The following ASCL2 variants were observed in gnomAD, a reference collection of about 807,000 sequenced individuals.
ASCL2 encodes the protein achaete-scute homolog 2.
Under a neutral mutation model 5.1 loss-of-function variants are expected in ASCL2, and 6 were observed. That is an observed-to-expected ratio of 1.17 (90% confidence interval 0.64 to 2.31). The LOEUF is 2.31. Among genes scored for constraint, ASCL2 ranks in the 30% most tolerant of loss-of-function variants. The probability of loss-of-function intolerance (pLI) is 0.00; values close to 1 mark genes in which losing one functional copy is unlikely to be tolerated. For missense variants in ASCL2, 320 were observed against 310.3 expected (o/e 1.03, Z -0.23); for synonymous variants, 174 against 157.3 (o/e 1.11, Z -0.80).
chr11:2,269,689 C>G, intron 1 of ASCL2, 44 bp downstream of exon 1: 2 of 1,233,592 alleles, frequency 1.6e-6, no homozygotes, highest in Non-Finnish European at 2.1e-6. Flanking sequence ...CGTCCCTCCA[C>G]CCCGGCCCCC....
In ASCL2 at chr11:2,269,921, G is replaced by A; in HGVS notation, c.412C>T (p.Pro138Ser). The stretch of plus-strand genomic sequence containing the variant: ...GCGCGGGAGGGCGAGGCGGCGACCG[G>A]GGTGGTCCCTGGCGGCCCGCGGGGC... ...SAPRGPPGTT[P>S]VAASPSRASS... Residue 138 changes from proline to serine, a missense_variant, in exon 1 of 2, where the codon CCG becomes TCG. Transcript: ENST00000331289. The A allele has an allele frequency of 7.8e-7, 1 of 1,286,938 alleles. No individual in the cohort carries two copies. Among genetic ancestry groups the A allele is most frequent in the Non-Finnish European group, 9.9e-7 (1 of 1,013,406 alleles). The allele number at this position is 1,286,938 out of a possible 1,614,324, so 79.7% of individuals were successfully genotyped here.
intron 1 of ASCL2, 32 bp downstream of exon 1, chr11:2,269,701 G>GCCCCCCCC: frequency 1.3e-6 from 1 of 783,750 alleles, no homozygotes; most frequent in South Asian, 3.3e-5. Context: ...CCGGCCCCCG[G>GCCCCCCCC]CCCTCCCTCC....
In ASCL2 at chr11:2,269,047, G is replaced by A. The variant is rs1243243622; in HGVS notation, c.*98C>T. On this transcript the variant is annotated 3_prime_UTR_variant, in exon 2 of 2. Transcript: ENST00000331289. Reference sequence around the variant, plus strand: ...GTGGGTGGGTCCCCGGCTCGCTGGGGGCGGAGCGCGGGCCGGTCCACCTGG... The same window carrying A: ...GTGGGTGGGTCCCCGGCTCGCTGGGAGCGGAGCGCGGGCCGGTCCACCTGG... 1 of 151,924 alleles carries A rather than the reference G, an allele frequency of 6.6e-6. No homozygotes were observed. The highest frequency in any genetic ancestry group is 6.6e-5 in the Admixed American group (1 of 15,266). 9.4% of individuals were successfully genotyped at this position (151,924 alleles called of 1,614,324 possible). A position where few individuals can be genotyped will look rare whatever the true frequency, so the allele number is the denominator to read the frequency against.
rs1446874428 is a variant in ASCL2, at chr11:2,269,133, G to C, written c.*19-7C>G. The C allele has an allele frequency of 1.3e-5, 2 of 152,000 alleles. No individual in the cohort carries two copies. The highest frequency in any genetic ancestry group is 4.8e-5 in the African/African-American group (2 of 41,424). The allele number at this position is 152,000 out of a possible 1,614,324, so 9.4% of individuals were successfully genotyped here. On this transcript the variant is annotated splice_polypyrimidine_tract_variant and splice_region_variant and intron_variant, in intron 1 of 1. Transcript: ENST00000331289. ...TCGGCTTCCGGGGCTGAGGCTGCGG[G>C]GGGAAGGTGGGGAACCAAACGCGCG...
Position 2,270,102 on chromosome 11 carries a change from CACGTGCT to C in ASCL2, c.224_230del (p.Gln75ArgfsTer10). On this transcript the variant is annotated frameshift_variant, in exon 1 of 2. Transcript: ENST00000331289. LOFTEE classifies it high-confidence loss of function. ...GCTTCTTGCTGGCGCCGCCGTGCGG[CACGTGCT>C]GCCGCAGCGCCTGGAAGCCCAAGTT... 1 of 1,509,852 alleles carries C rather than the reference CACGTGCT, an allele frequency of 6.6e-7. No homozygotes were observed. Among genetic ancestry groups the C allele is most frequent in the Admixed American group, 2.2e-5 (1 of 46,446 alleles). The allele number at this position is 1,509,852 out of a possible 1,614,324, so 93.5% of individuals were successfully genotyped here.
Position 2,269,922 on chromosome 11 carries a change from G to A in ASCL2, c.411C>T (p.Thr137=), listed in dbSNP as rs548309623. 5.0e-5 allele frequency: 64 copies of A among 1,285,848 alleles called. 1 individual carries two copies. In the South Asian group the frequency reaches 1.7e-3, roughly 34 times the overall value. 79.7% of individuals were successfully genotyped at this position (1,285,848 alleles called of 1,614,324 possible). Residue 137 remains threonine, a synonymous_variant, in exon 1 of 2, where the codon ACC becomes ACT. Coordinates refer to ENST00000331289, the MANE Select transcript of ASCL2 (RefSeq NM_005170.3). ...CGCGGGAGGGCGAGGCGGCGACCGG[G>A]GTGGTCCCTGGCGGCCCGCGGGGCG... ...PSAPRGPPGT[T]PVAASPSRAS...
Position 2,270,549 on chromosome 11 carries a change from CTCGT to C in ASCL2, c.-221_-218del. 2.2e-6 allele frequency: 2 copies of C among 924,040 alleles called. No homozygotes were observed. The highest frequency in any genetic ancestry group is 2.9e-6 in the Non-Finnish European group (2 of 697,888). 57.2% of individuals were successfully genotyped at this position (924,040 alleles called of 1,614,324 possible). On this transcript the variant is annotated 5_prime_UTR_variant, in exon 1 of 2. Transcript: ENST00000331289. ...CGTACGCGCCAGGGAGCGTGGGACGCTCGTGTCCCGCGCGTGCGGCCGGACTCTC... is the reference window on the plus strand; with the variant it reads ...CGTACGCGCCAGGGAGCGTGGGACGCGTCCCGCGCGTGCGGCCGGACTCTC...
chr11:2,270,401 A>C lies in ASCL2; in HGVS notation c.-69T>G. On this transcript the variant is annotated 5_prime_UTR_variant, in exon 1 of 2. Coordinates refer to ENST00000331289, the MANE Select transcript of ASCL2 (RefSeq NM_005170.3). ...AGGAAGGTGCAGGCAGAGGAACCGGAGGCGACGGGGAAAACTGTGGCGCCC... is the reference window on the plus strand; with the variant it reads ...AGGAAGGTGCAGGCAGAGGAACCGGCGGCGACGGGGAAAACTGTGGCGCCC... The C allele has an allele frequency of 1.6e-6, 2 of 1,255,926 alleles. No individual in the cohort carries two copies. Among genetic ancestry groups the C allele is most frequent in the Non-Finnish European group, 2.0e-6 (2 of 998,590 alleles). The allele number at this position is 1,255,926 out of a possible 1,614,324, so 77.8% of individuals were successfully genotyped here. A position where few individuals can be genotyped will look rare whatever the true frequency, so the allele number is the denominator to read the frequency against.
Position 2,270,188 on chromosome 11 carries a change from C to G in ASCL2, c.145G>C (p.Ala49Pro), listed in dbSNP as rs1236843869. Residue 49 changes from alanine to proline, a missense_variant, in exon 1 of 2, where the codon GCA becomes CCA. By Grantham distance (27) the Ala-to-Pro change is conservative (BLOSUM62 -1). Coordinates refer to ENST00000331289, the MANE Select transcript of ASCL2 (RefSeq NM_005170.3). ...RPATAETGGG[A>P]AAVARRNERE... ...TCATTGCGCCGCGCTACGGCCGCTG[C>G]GCCGCCTCCGGTCTCTGCGGTGGCC... The G allele has an allele frequency of 6.7e-7, 1 of 1,497,442 alleles. No homozygotes were observed. The highest frequency in any genetic ancestry group is 1.2e-5 in the South Asian group (1 of 80,006). 92.8% of individuals were successfully genotyped at this position (1,497,442 alleles called of 1,614,324 possible). A position where few individuals can be genotyped will look rare whatever the true frequency, so the allele number is the denominator to read the frequency against.
intron 1 of ASCL2, 107 bp from the exon 2 acceptor site, chr11:2,269,233 AGTTTCGTTTGCTCGGTTG>A (rs1287775793): frequency 6.6e-6 from 1 of 150,792 alleles, no homozygotes; most frequent in Non-Finnish European, 1.5e-5. Flanking sequence ...CGAAGTCGGC[AGTTTCGTTTGCTCGGTTG>A]GTTTTGGAGT....
At chr11:2,269,680 G>GGGCCC in intron 1 of ASCL2, 53 bp downstream of exon 1, 9 of 380,040 alleles carry the variant, frequency 2.4e-5, no homozygotes, top group East Asian at 7.8e-5. Context: ...TGCCCACCCC[G>GGGCCC]TCCCTCCACC....
intron 1 of ASCL2, 45 bp downstream of exon 1, chr11:2,269,688 A>G (rs1258460530): frequency 1.5e-5 from 6 of 398,406 alleles, no homozygotes; most frequent in Non-Finnish European, 1.8e-5. Context: ...CCGTCCCTCC[A>G]CCCCGGCCCC....
chr11:2,269,481 C>T (rs888862508), intron 1 of ASCL2, among the ~76,000 whole-genome samples: 10 of 152,326 alleles, frequency 6.6e-5, no homozygotes, highest in African/African-American at 2.4e-4. Flanking sequence ...CCGCTCCCCT[C>T]CCCTCGTCTA....
rs752446935 is a variant in ASCL2, at chr11:2,269,769, G to C, written c.564C>G (p.Ser188Arg). ...AGGGCGCTCAGTAGCCCCCTAACCA[G>C]CTGGAGAAGTCGAGTAGCTCGCGCT... ...PAERELLDFS[S>R]WLGGY Residue 188 changes from serine to arginine, a missense_variant, in exon 1 of 2, where the codon AGC becomes AGG. By Grantham distance (110) the Ser-to-Arg change is moderately radical. Transcript: ENST00000331289. 7 of 1,444,382 alleles carry C rather than the reference G, an allele frequency of 4.8e-6. No homozygotes were observed. The South Asian group carries it at 6.9e-5, about 14-fold the overall frequency. 89.5% of individuals were successfully genotyped at this position (1,444,382 alleles called of 1,614,324 possible).
intron 1 of ASCL2, 112 bp downstream of exon 1, chr11:2,269,621 G>A: frequency 2.0e-6 from 2 of 982,790 alleles, no homozygotes; most frequent in South Asian, 8.5e-5. Context: ...CCATCGCTCG[G>A]GCCTGGCGCT....
chr11:2,270,528 C>T lies in ASCL2; in HGVS notation c.-196G>A. On this transcript the variant is annotated 5_prime_UTR_variant, in exon 1 of 2. Transcript: ENST00000331289. ...GGAGGCCTAGTGGTGGCAGGCCGTA[C>T]GCGCCAGGGAGCGTGGGACGCTCGT... The T allele has an allele frequency of 1.9e-6, 2 of 1,056,274 alleles. No homozygotes were observed. The highest frequency in any genetic ancestry group is 2.4e-6 in the Non-Finnish European group (2 of 817,510). The allele number at this position is 1,056,274 out of a possible 1,614,324, so 65.4% of individuals were successfully genotyped here. A position where few individuals can be genotyped will look rare whatever the true frequency, so the allele number is the denominator to read the frequency against.
Position 2,270,064 on chromosome 11 carries a change from T to G in ASCL2, c.269A>C (p.Glu90Ala), listed in dbSNP as rs1373754072. The change falls in exon 1 of 2, where the codon GAG becomes GCG. Residue 90 changes from glutamate (E) to alanine (A), a missense_variant. Glu to Ala is a moderately radical substitution (Grantham distance 107). Coordinates refer to ENST00000331289, the MANE Select transcript of ASCL2 (RefSeq NM_005170.3). Reference sequence around the variant, plus strand: ...GTACTCCACGGCTGAGCGCAGCGTCTCCACCTTGCTCAGCTTCTTGCTGGC... The same window carrying G: ...GTACTCCACGGCTGAGCGCAGCGTCGCCACCTTGCTCAGCTTCTTGCTGGC... Reference protein sequence around the residue: ...GGASKKLSKVETLRSAVEYIR... With the variant: ...GGASKKLSKVATLRSAVEYIR... 2 of 1,486,852 alleles carry G rather than the reference T, an allele frequency of 1.3e-6. No individual in the cohort carries two copies. The highest frequency in any genetic ancestry group is 1.5e-5 in the African/African-American group (1 of 68,424). The allele number at this position is 1,486,852 out of a possible 1,614,324, so 92.1% of individuals were successfully genotyped here.
At chr11:2,269,678 C>A in intron 1 of ASCL2, 55 bp downstream of exon 1, 1 of 1,090,906 alleles carries the variant, frequency 9.2e-7, no homozygotes, top group Non-Finnish European at 1.2e-6. Flanking sequence ...CCTGCCCACC[C>A]CGTCCCTCCA....
rs1054925019 is a variant in ASCL2, at chr11:2,270,233, A to C, written c.100T>G (p.Cys34Gly). The C allele has an allele frequency of 2.1e-6, 3 of 1,444,850 alleles. No homozygotes were observed. The highest frequency in any genetic ancestry group is 9.0e-7 in the Non-Finnish European group (1 of 1,105,726). The allele number at this position is 1,444,850 out of a possible 1,614,324, so 89.5% of individuals were successfully genotyped here. Reference sequence around the variant, plus strand: ...GTGGCCGGTCGCCGCCGCCGGCTGCAGCGCAACAGTTCCGGGGACGCGGGT... The same window carrying C: ...GTGGCCGGTCGCCGCCGCCGGCTGCCGCGCAACAGTTCCGGGGACGCGGGT... ...RRPASPELLRCSRRRRPATAE... is the reference protein window; with the variant it reads ...RRPASPELLRGSRRRRPATAE... The change falls in exon 1 of 2, where the codon TGC (cysteine) becomes GGC (glycine). Residue 34 changes from cysteine to glycine, a missense_variant. Physicochemically the swap from Cys to Gly is radical, Grantham distance 159. Coordinates refer to ENST00000331289, the MANE Select transcript of ASCL2 (RefSeq NM_005170.3).
Sources: allele counts gnomAD v4.1 joint callset (sites outside exome capture counted in the v4.1 genomes callset), GRCh38; gene constraint gnomAD v4.1.1; transcripts MANE v1.5; gene names NCBI Gene and HGNC (gene_info 2026-07-23, HGNC 2026-07-21).